TBC1D32: variants seen among roughly 807,000 people sequenced by gnomAD.
TBC1D32 encodes the protein TBC1 domain family member 32.
A neutral mutation model predicts 170.3 loss-of-function variants in TBC1D32; 151 were observed. The observed-to-expected ratio is 0.89, with a 90% confidence interval of 0.78 to 1.01. The LOEUF (loss-of-function observed/expected upper bound fraction) is 1.01, where lower values mean the gene tolerates loss of function less well. TBC1D32 is among the 50% of genes least tolerant of loss of function. The pLI is 0.00. For missense variants in TBC1D32, 1,464 were observed against 1,457.1 expected (o/e 1.00, Z -0.08); for synonymous variants, 498 against 488.0 (o/e 1.02, Z -0.27).
chr6:121,197,391 T>C (rs1790879094), intron 22 of TBC1D32, among the ~76,000 whole-genome samples: 1 of 152,186 alleles, frequency 6.6e-6, no homozygotes, highest in African/African-American at 2.4e-5. Context: ...GAATGGGTAG[T>C]AGGAGAAGGT....
chr6:121,086,875 G>A (rs750193466), intron 31 of TBC1D32, among the ~76,000 whole-genome samples: 13 of 152,118 alleles, frequency 8.5e-5, no homozygotes, highest in Non-Finnish European at 1.2e-4. Flanking sequence ...GTGTATGCGC[G>A]CTACAGATGA....
chr6:121,168,677 C>G (rs1225419935), intron 22 of TBC1D32, among the ~76,000 whole-genome samples: 1 of 101,802 alleles, frequency 9.8e-6, no homozygotes, highest in African/African-American at 3.6e-5. Flanking sequence ...CTAACCTGCA[C>G]AATGTGCACA....
chr6:121,331,510 A>G (rs1410045957), intron 1 of TBC1D32, among the ~76,000 whole-genome samples: 1 of 151,990 alleles, frequency 6.6e-6, no homozygotes, highest in Non-Finnish European at 1.5e-5. Flanking sequence ...ATGAGCCACC[A>G]TGCCCAGCCT....
At chr6:121,106,957 A>G (rs1389964718) in intron 29 of TBC1D32, among the ~76,000 whole-genome samples, 2 of 151,914 alleles carry the variant, frequency 1.3e-5, no homozygotes, top group African/African-American at 4.8e-5. Flanking sequence ...ATATACCCAT[A>G]ATAATTGTTT....
intron 30 of TBC1D32, among the ~76,000 whole-genome samples, chr6:121,091,720 T>C (rs1423912987): frequency 6.6e-6 from 1 of 152,268 alleles, no homozygotes; most frequent in African/African-American, 2.4e-5. Context: ...TGGAAACATT[T>C]TGATACATCA....
chr6:121,149,597 T>C (rs1283033691), intron 24 of TBC1D32, among the ~76,000 whole-genome samples: 1 of 152,178 alleles, frequency 6.6e-6, no homozygotes, highest in African/African-American at 2.4e-5. Flanking sequence ...GAGGCCTCTG[T>C]TCTGTTCCAT....
chr6:121,254,972 A>G (rs1798774377), intron 17 of TBC1D32, among the ~76,000 whole-genome samples: 1 of 152,120 alleles, frequency 6.6e-6, no homozygotes, highest in African/African-American at 2.4e-5. Flanking sequence ...TTTTAAATAT[A>G]AATAGACTTC....
At chr6:121,206,017 C>G (rs1217242830) in intron 21 of TBC1D32, among the ~76,000 whole-genome samples, 2 of 152,068 alleles carry the variant, frequency 1.3e-5, no homozygotes, top group Non-Finnish European at 2.9e-5. Context: ...CGAGACCAGC[C>G]TGGCCAACAT....
At chr6:121,126,563 C>T in intron 25 of TBC1D32, 102 bp from the exon 26 acceptor site, 1 of 763,420 alleles carries the variant, frequency 1.3e-6, no homozygotes, top group Non-Finnish European at 2.2e-6. Context: ...ATCTGAACTT[C>T]ACAGATACAC....
rs184253130 is a variant in TBC1D32 at position 121,199,766 on chromosome 6, G to A, written c.2570+5309C>T. On this transcript the variant is annotated intron_variant, in intron 22 of 31. Transcript: ENST00000398212. ...TGTGAGATTATTTCTTGTTACTAAG[G>A]TTAATCACATTTAAGTCTAGTTAGC... 3.0e-3 allele frequency among the ~76,000 whole-genome samples: 457 copies of A among 151,174 alleles called. 24 individuals carry two copies. The highest frequency in any genetic ancestry group is 0.011 in the African/African-American group (436 of 40,712).
chr6:121,182,789 A>C (rs1472138046), intron 22 of TBC1D32, among the ~76,000 whole-genome samples: 1 of 151,972 alleles, frequency 6.6e-6, no homozygotes, highest in Non-Finnish European at 1.5e-5. Context: ...GCCCCAACCC[A>C]AATTTCCCAA....
chr6:121,252,746 A>C (rs886644027), intron 17 of TBC1D32, among the ~76,000 whole-genome samples: 7 of 152,180 alleles, frequency 4.6e-5, no homozygotes, highest in Admixed American at 3.3e-4. Context: ...TAAATAAAAA[A>C]ATAAAAACAG....
At chr6:121,100,656 C>G (rs12529782) in intron 30 of TBC1D32, among the ~76,000 whole-genome samples, 1 of 151,712 alleles carries the variant, frequency 6.6e-6, no homozygotes, top group South Asian at 2.1e-4. Flanking sequence ...AATTGACACC[C>G]TAACATCACA....
At position 121,240,405 on chromosome 6, in the gene TBC1D32, A is replaced by G. The variant is rs1796820113; in HGVS notation, c.2245+1060T>C. Among the ~76,000 whole-genome samples the G allele has an allele frequency of 2.5e-5, 3 of 119,206 alleles. No homozygotes were observed. The Admixed American group carries it at 2.9e-4, about 11-fold the overall frequency. 78.2% of individuals were successfully genotyped at this position (119,206 alleles called of 152,430 possible). ...TTTTTTACCAAGAAACATGTTTCATAATACAAGTAGTCCAAATTAGTTCAG... is the reference window on the plus strand; with the variant it reads ...TTTTTTACCAAGAAACATGTTTCATGATACAAGTAGTCCAAATTAGTTCAG... On this transcript the variant is annotated intron_variant, in intron 19 of 31. Transcript: ENST00000398212.
intron 15 of TBC1D32, among the ~76,000 whole-genome samples, chr6:121,259,153 C>A (rs999997247): frequency 8.5e-4 from 129 of 151,966 alleles, no homozygotes; most frequent in African/African-American, 2.9e-3. Context: ...CAAAAATTAG[C>A]CCAGCACGGT....
In TBC1D32 at chr6:121,317,578, C is replaced by T. The variant is rs751379533; in HGVS notation, c.412G>A (p.Glu138Lys). ...TCCTTTTGGATTTTTTTCTGCCTTT[C>T]TTGATTTCGTGTCTCATCTTCTTCA... ...KFEEDETRNQ[E>K]RQKKIQKEKS... The change falls in exon 3 of 32, where the codon GAA (glutamate) becomes AAA (lysine). Residue 138 changes from glutamate (E) to lysine (K), a missense_variant. By Grantham distance (56) the Glu-to-Lys change is moderately conservative (BLOSUM62 1). Transcript: ENST00000398212. 18 of 1,612,622 alleles carry T rather than the reference C, an allele frequency of 1.1e-5. No individual in the cohort carries two copies. The highest frequency in any genetic ancestry group is 1.7e-5 in the Admixed American group (1 of 59,830).
At chr6:121,235,742 A>G (rs923870511) in intron 20 of TBC1D32, among the ~76,000 whole-genome samples, 4 of 152,186 alleles carry the variant, frequency 2.6e-5, no homozygotes, top group Non-Finnish European at 5.9e-5. Flanking sequence ...GCAGTGATCC[A>G]GTTCCTTCAA....
At chr6:121,197,390 G>A (rs879094041) in intron 22 of TBC1D32, among the ~76,000 whole-genome samples, 5 of 152,226 alleles carry the variant, frequency 3.3e-5, no homozygotes, top group Non-Finnish European at 7.3e-5. Context: ...AGAATGGGTA[G>A]TAGGAGAAGG....
intron 15 of TBC1D32, among the ~76,000 whole-genome samples, chr6:121,271,635 C>G (rs1442160506): frequency 6.6e-6 from 1 of 152,160 alleles, no homozygotes; most frequent in Non-Finnish European, 1.5e-5. Flanking sequence ...AATGGAAGAA[C>G]ATTCCATGGT....
Sources: allele counts gnomAD v4.1 joint callset (sites outside exome capture counted in the v4.1 genomes callset), GRCh38; gene constraint gnomAD v4.1.1; transcripts MANE v1.5; gene names NCBI Gene and HGNC (gene_info 2026-07-23, HGNC 2026-07-21).